Variants in XYLT1 observed in about 807,000 individuals in gnomAD.
XYLT1 encodes beta-D-xylosyltransferase 1.
Under a neutral mutation model 91.3 loss-of-function variants are expected in XYLT1, and 36 were observed. The ratio of observed to expected loss-of-function variants is 0.39; its 90% CI spans 0.30 to 0.52. The LOEUF (loss-of-function observed/expected upper bound fraction) is 0.52. Among genes scored for constraint, XYLT1 ranks in the 20% least tolerant of loss-of-function variants. The pLI, the probability that XYLT1 is intolerant of heterozygous loss-of-function variation, is 0.68. For synonymous variants in XYLT1, 588 were observed against 532.0 expected (o/e 1.11, Z -1.45); for missense variants, 1,242 against 1,284.5 (o/e 0.97, Z 0.51).
At chr16:17,334,719 T>G (rs2034952989) in intron 2 of XYLT1, among the ~76,000 whole-genome samples, 1 of 152,026 alleles carries the variant, frequency 6.6e-6, no homozygotes, top group Non-Finnish European at 1.5e-5. Flanking sequence ...CCGTCTCTAC[T>G]AAAAATACAA....
At position 17,298,852 on chromosome 16, in the gene XYLT1, C is replaced by T. The variant is rs9930609; in HGVS notation, c.403-39354G>A. The stretch of plus-strand genomic sequence containing the variant: ...TCCTCAAGCAACTTGTCAGAGGACA[C>T]GCCCTATGAGAGCCACCACCCCCTG... On this transcript the variant is annotated intron_variant, in intron 2 of 11. Coordinates refer to ENST00000261381, the MANE Select transcript of XYLT1 (RefSeq NM_022166.4). Among the ~76,000 whole-genome samples, 978 of 152,214 alleles carry T rather than the reference C, an allele frequency of 6.4e-3. 12 individuals carry two copies. The highest frequency in any genetic ancestry group is 0.022 in the African/African-American group (923 of 41,538).
chr16:17,281,810 T>C (rs1305053284), intron 2 of XYLT1, among the ~76,000 whole-genome samples: 1 of 152,232 alleles, frequency 6.6e-6, no homozygotes, highest in Non-Finnish European at 1.5e-5. Flanking sequence ...GGTGCCACCG[T>C]GGGCCACAAA....
intron 2 of XYLT1, among the ~76,000 whole-genome samples, chr16:17,280,569 T>G (rs2141783818): frequency 6.6e-6 from 1 of 152,348 alleles, no homozygotes; most frequent in East Asian, 1.9e-4. Flanking sequence ...TTGTTATGTT[T>G]TATTCAATTA....
At chr16:17,403,047 A>G (rs2035988945) in intron 1 of XYLT1, among the ~76,000 whole-genome samples, 1 of 152,214 alleles carries the variant, frequency 6.6e-6, no homozygotes, top group Non-Finnish European at 1.5e-5. Flanking sequence ...CGGAATGACC[A>G]TCATCCCAGC....
At chr16:17,362,886 TC>T (rs911858871) in intron 1 of XYLT1, among the ~76,000 whole-genome samples, 5 of 152,136 alleles carry the variant, frequency 3.3e-5, no homozygotes, top group Non-Finnish European at 7.4e-5. Flanking sequence ...GCCCACCAAA[TC>T]AACAACATAG....
At chr16:17,361,028 G>A (rs8049582) in intron 1 of XYLT1, among the ~76,000 whole-genome samples, 9 of 152,222 alleles carry the variant, frequency 5.9e-5, no homozygotes, top group South Asian at 4.1e-4. Flanking sequence ...GCCCTCATTC[G>A]TCACAGCTCC....
At chr16:17,294,735 G>T (rs2034284913) in intron 2 of XYLT1, among the ~76,000 whole-genome samples, 1 of 152,080 alleles carries the variant, frequency 6.6e-6, no homozygotes, top group Non-Finnish European at 1.5e-5. Flanking sequence ...TTAGCATCAG[G>T]AACAAAACTT....
rs1181697779 is a variant in XYLT1 at position 17,432,881 on chromosome 16, G to GA, written c.363+37552dup. On this transcript the variant is annotated intron_variant, in intron 1 of 11. Transcript: ENST00000261381. ...CACATCAATTGTCTTGTCAAAAGAG[G>GA]AAAAAAAAACACGCAAGGGCCACGT... Among the ~76,000 whole-genome samples the GA allele has an allele frequency of 1.8e-4, 27 of 150,338 alleles. 1 individual carries two copies. The highest frequency in any genetic ancestry group is 1.3e-3 in the Admixed American group (20 of 15,050).
At chr16:17,263,290 G>A (rs560229359) in intron 2 of XYLT1, among the ~76,000 whole-genome samples, 2 of 152,050 alleles carry the variant, frequency 1.3e-5, no homozygotes, top group South Asian at 2.1e-4. Flanking sequence ...ACCCCCCACG[G>A]CCAATGAAGC....
intron 1 of XYLT1, among the ~76,000 whole-genome samples, chr16:17,396,439 GAGAAATGAGTAAA>G (rs2035887886): frequency 6.6e-6 from 1 of 152,174 alleles, no homozygotes; most frequent in African/African-American, 2.4e-5. Flanking sequence ...AACTCACTGT[GAGAAATGAGTAAA>G]GATAAATGAA....
chr16:17,127,634 A>G (rs1410241061), intron 10 of XYLT1, 32 bp downstream of exon 10: 1 of 1,598,780 alleles, frequency 6.3e-7, no homozygotes, highest in African/African-American at 1.3e-5. Flanking sequence ...AATGCAAAAT[A>G]CAATGAAATG....
At chr16:17,373,060 T>G (rs1426373870) in intron 1 of XYLT1, among the ~76,000 whole-genome samples, 1 of 152,214 alleles carries the variant, frequency 6.6e-6, no homozygotes, top group African/African-American at 2.4e-5. Context: ...TTGTGCCTGT[T>G]AGCAATACAT....
At chr16:17,280,942 TA>T (rs1313026575) in intron 2 of XYLT1, among the ~76,000 whole-genome samples, 2 of 152,314 alleles carry the variant, frequency 1.3e-5, no homozygotes, top group Admixed American at 1.3e-4. Flanking sequence ...CCCATTGGAC[TA>T]ATCTGGGAGC....
At chr16:17,218,789 C>T (rs1038705566) in intron 3 of XYLT1, among the ~76,000 whole-genome samples, 1 of 152,152 alleles carries the variant, frequency 6.6e-6, no homozygotes, top group African/African-American at 2.4e-5. Flanking sequence ...CTAGAAGATC[C>T]TCCACGGGCA....
intron 2 of XYLT1, among the ~76,000 whole-genome samples, chr16:17,298,704 C>T (rs576969014): frequency 6.6e-6 from 1 of 152,188 alleles, no homozygotes; most frequent in African/African-American, 2.4e-5. Flanking sequence ...ACCTCCTGTG[C>T]TGCTCTTCAT....
At chr16:17,453,306 C>T (rs2036692141) in intron 1 of XYLT1, among the ~76,000 whole-genome samples, 1 of 152,184 alleles carries the variant, frequency 6.6e-6, no homozygotes, top group South Asian at 2.1e-4. Flanking sequence ...ACAGCTAGGG[C>T]TTTACTCCTG....
chr16:17,405,860 A>G (rs987979063), intron 1 of XYLT1, among the ~76,000 whole-genome samples: 1 of 152,158 alleles, frequency 6.6e-6, no homozygotes, highest in Non-Finnish European at 1.5e-5. Flanking sequence ...GTTACTTCCT[A>G]TCCATACAGA....
chr16:17,414,915 A>G (rs1002303261), intron 1 of XYLT1, among the ~76,000 whole-genome samples: 22 of 152,142 alleles, frequency 1.4e-4, no homozygotes, highest in South Asian at 2.1e-4. Flanking sequence ...TGTGGACGGT[A>G]ACTGCGATGA....
At chr16:17,165,629 T>C (rs1488702896) in intron 5 of XYLT1, among the ~76,000 whole-genome samples, 1 of 151,870 alleles carries the variant, frequency 6.6e-6, no homozygotes, top group African/African-American at 2.4e-5. Context: ...GAGGCGGAGG[T>C]TGAAGTGAGC....
Sources: allele counts gnomAD v4.1 joint callset (sites outside exome capture counted in the v4.1 genomes callset), GRCh38; gene constraint gnomAD v4.1.1; transcripts MANE v1.5; gene names NCBI Gene and HGNC (gene_info 2026-07-23, HGNC 2026-07-21).